The following SHOC1 variants were observed in gnomAD, a reference collection of about 807,000 sequenced individuals.
The protein encoded by SHOC1 is shortage in chiasmata 1, also known as protein shortage in chiasmata 1 ortholog.
In SHOC1, 136 loss-of-function variants were observed where a neutral mutation model predicts 179.2. The ratio of observed to expected loss-of-function variants is 0.76; its 90% CI spans 0.66 to 0.87. The LOEUF (loss-of-function observed/expected upper bound fraction) is 0.87, where lower values mean the gene tolerates loss of function less well. Among genes scored for constraint, SHOC1 ranks in the 40% least tolerant of loss-of-function variants. The pLI, the probability that SHOC1 is intolerant of heterozygous loss-of-function variation, is 0.00. For synonymous variants in SHOC1, 489 were observed against 586.6 expected (o/e 0.83, Z 2.41); for missense variants, 1,538 against 1,700.8 (o/e 0.90, Z 1.68).
intron 17 of SHOC1, 123 bp downstream of exon 17, chr9:111,714,322 A>T: frequency 1.2e-6 from 1 of 860,604 alleles, no homozygotes. Flanking sequence ...TTCAAGGACT[A>T]AACCATCAAG....
intron 22 of SHOC1, among the ~76,000 whole-genome samples, chr9:111,703,556 T>C (rs1442225533): frequency 2.6e-5 from 4 of 152,208 alleles, no homozygotes; most frequent in Non-Finnish European, 5.9e-5. Flanking sequence ...CACTATCTCC[T>C]TGTAATAAAA....
intron 17 of SHOC1, among the ~76,000 whole-genome samples, chr9:111,713,764 T>A (rs1273502225): frequency 6.6e-6 from 1 of 152,140 alleles, no homozygotes; most frequent in Non-Finnish European, 1.5e-5. Flanking sequence ...AAAAAGCAAT[T>A]TCTGTTAAAA....
Position 111,785,831 on chromosome 9 carries a change from T to C in SHOC1, c.169+81A>G, listed in dbSNP as rs1415783517. The stretch of plus-strand genomic sequence containing the variant: ...CAATGAGTTTTTAATTAGTAAAACA[T>C]TGCATATTCTTAATAATTTGCTGTG... On this transcript the variant is annotated intron_variant, in intron 3 of 27. Coordinates refer to ENST00000682961, the MANE Select transcript of SHOC1 (RefSeq NM_001378211.1). The C allele has an allele frequency of 4.2e-6, 5 of 1,190,102 alleles. No individual in the cohort carries two copies. The Admixed American group carries it at 1.6e-4, about 38-fold the overall frequency. The allele number at this position is 1,190,102 out of a possible 1,614,324, so 73.7% of individuals were successfully genotyped here. A position where few individuals can be genotyped will look rare whatever the true frequency, so the allele number is the denominator to read the frequency against.
intron 18 of SHOC1, among the ~76,000 whole-genome samples, chr9:111,709,167 C>T (rs1160381686): frequency 3.3e-5 from 5 of 152,136 alleles, no homozygotes; most frequent in Admixed American, 1.3e-4. Context: ...ATGGCGAAGC[C>T]CTGTCTCTAC....
At chr9:111,769,723 G>A (rs1032297070) in intron 5 of SHOC1, among the ~76,000 whole-genome samples, 2 of 152,142 alleles carry the variant, frequency 1.3e-5, no homozygotes, top group Non-Finnish European at 2.9e-5. Context: ...ACCCACCTCA[G>A]CCTCTCAGAG....
chr9:111,754,656 A>G (rs552983867), intron 8 of SHOC1, among the ~76,000 whole-genome samples: 6 of 152,310 alleles, frequency 3.9e-5, no homozygotes, highest in African/African-American at 1.4e-4. Flanking sequence ...AAACTTGTAC[A>G]TGAATGTTCA....
In SHOC1 at chr9:111,692,068, G is replaced by A. The variant is rs1206964357; in HGVS notation, c.3909C>T (p.Asn1303=). Residue 1303 remains asparagine (N), a synonymous_variant, in exon 27 of 28, where the codon AAC becomes AAT. Transcript: ENST00000682961. ...DVFSLGLTQM[N]CETIKSPTDT... is the part of the protein sequence containing the mutation. ...CAGTTGGTGATTTTATAGTTTCACA[G>A]TTCATTTGTGTTAGACCCAAAGAAA... is the stretch of plus-strand genomic sequence containing the variant. 6.2e-7 allele frequency: 1 copy of A among 1,613,662 alleles called. No homozygotes were observed. Among genetic ancestry groups the A allele is most frequent in the African/African-American group, 1.3e-5 (1 of 74,908 alleles).
At position 111,758,989 on chromosome 9, in the gene SHOC1, T is replaced by C; in HGVS notation, c.443-141A>G. On this transcript the variant is annotated intron_variant, in intron 5 of 27. Transcript: ENST00000682961. ...TAAACTCTGTAGCTCTTCATTGTAC[T>C]GTGCATATAGAGCATGTAGCATAGT... The C allele has an allele frequency of 4.6e-6, 4 of 877,670 alleles. No homozygotes were observed. The South Asian group carries it at 5.4e-5, about 12-fold the overall frequency. 54.4% of individuals were successfully genotyped at this position (877,670 alleles called of 1,614,324 possible). A position where few individuals can be genotyped will look rare whatever the true frequency, so the allele number is the denominator to read the frequency against.
intron 13 of SHOC1, 151 bp from the exon 14 acceptor site, chr9:111,724,062 T>C: frequency 1.6e-6 from 1 of 617,326 alleles, no homozygotes; most frequent in Non-Finnish European, 2.8e-6. Flanking sequence ...TTCAGATCAA[T>C]GGAACTAACA....
At chr9:111,738,958 G>A (rs532695180) in intron 11 of SHOC1, among the ~76,000 whole-genome samples, 2,015 of 152,160 alleles carry the variant, frequency 0.013, 54 homozygotes, top group African/African-American at 0.046. Context: ...CTTAGATATT[G>A]TGGTACAGCG....
intron 12 of SHOC1, among the ~76,000 whole-genome samples, chr9:111,733,853 G>C (rs1833699746): frequency 7.0e-6 from 1 of 143,650 alleles, no homozygotes. Flanking sequence ...GCAAGACTCT[G>C]TCTCAAAAAA....
At chr9:111,752,794 T>C (rs992662496) in intron 8 of SHOC1, among the ~76,000 whole-genome samples, 4 of 152,002 alleles carry the variant, frequency 2.6e-5, no homozygotes, top group Admixed American at 6.5e-5. Context: ...TAAAACAATA[T>C]CTGAAGTAAA....
chr9:111,729,350 C>T (rs1283257703), intron 12 of SHOC1, among the ~76,000 whole-genome samples: 1 of 151,910 alleles, frequency 6.6e-6, no homozygotes, highest in Non-Finnish European at 1.5e-5. Flanking sequence ...TCAAGTAATC[C>T]TCCCACATTG....
At chr9:111,761,411 A>G (rs892524938) in intron 5 of SHOC1, among the ~76,000 whole-genome samples, 1 of 152,142 alleles carries the variant, frequency 6.6e-6, no homozygotes, top group African/African-American at 2.4e-5. Flanking sequence ...CTGAGGCAGG[A>G]GAATCACTTG....
In SHOC1 at chr9:111,691,988, C is replaced by T; in HGVS notation, c.3989G>A (p.Arg1330Lys). The T allele has an allele frequency of 1.2e-6, 2 of 1,613,254 alleles. No homozygotes were observed. The highest frequency in any genetic ancestry group is 8.5e-7 in the Non-Finnish European group (1 of 1,179,702). The change falls in exon 27 of 28, where the codon AGA becomes AAA. Residue 1330 changes from arginine (R) to lysine (K), a missense_variant. Coordinates refer to ENST00000682961, the MANE Select transcript of SHOC1 (RefSeq NM_001378211.1). ...VPRFINSQKRRTHEAKGFINK... is the reference protein window; with the variant it reads ...VPRFINSQKRKTHEAKGFINK... The stretch of plus-strand genomic sequence containing the variant: ...TATGAAACCTTTTGCTTCATGTGTT[C>T]TCCTTTTCTGAGAATTTATAAAACG...
chr9:111,744,443 A>G (rs1279404414), intron 10 of SHOC1, among the ~76,000 whole-genome samples: 1 of 152,194 alleles, frequency 6.6e-6, no homozygotes, highest in Non-Finnish European at 1.5e-5. Flanking sequence ...CAGAAGATAA[A>G]GATATATTTA....
intron 13 of SHOC1, among the ~76,000 whole-genome samples, chr9:111,727,225 CAGAA>C (rs1833334044): frequency 6.6e-6 from 1 of 152,002 alleles, no homozygotes; most frequent in Non-Finnish European, 1.5e-5. Context: ...ATTAAGTAGA[CAGAA>C]AGTTTTCTTT....
At chr9:111,782,073 G>A (rs1043126250) in intron 3 of SHOC1, among the ~76,000 whole-genome samples, 11 of 152,110 alleles carry the variant, frequency 7.2e-5, no homozygotes, top group Non-Finnish European at 1.5e-4. Flanking sequence ...TTATCCAGGC[G>A]TGGTGGTGGG....
At chr9:111,692,689 C>G (rs1172488801) in intron 26 of SHOC1, among the ~76,000 whole-genome samples, 178 bp from the exon 27 acceptor site, 4 of 152,124 alleles carry the variant, frequency 2.6e-5, no homozygotes, top group Admixed American at 6.5e-5. Flanking sequence ...CATTGTAATT[C>G]ATACTTATTT....
Sources: allele counts gnomAD v4.1 joint callset (sites outside exome capture counted in the v4.1 genomes callset), GRCh38; gene constraint gnomAD v4.1.1; transcripts MANE v1.5; gene names NCBI Gene and HGNC (gene_info 2026-07-23, HGNC 2026-07-21).